The following LIN7A variants were observed in gnomAD, a reference collection of about 807,000 sequenced individuals.
LIN7A encodes the protein protein lin-7 homolog A.
A neutral mutation model predicts 29.8 loss-of-function variants in LIN7A; 25 were observed. The ratio of observed to expected loss-of-function variants is 0.84; its 90% CI spans 0.61 to 1.17. The LOEUF (loss-of-function observed/expected upper bound fraction) is 1.17, where lower values mean the gene tolerates loss of function less well. Ranked by LOEUF, LIN7A falls within the 50% of genes most tolerant of loss-of-function variation. The pLI is 0.00. For synonymous variants in LIN7A, 118 were observed against 107.5 expected (o/e 1.10, Z -0.60); for missense variants, 239 against 287.0 (o/e 0.83, Z 1.21).
chr12:80,807,063 G>GTTTTTTTTTTGTTTTTTTTTTTTTT (rs1871029199), intron 5 of LIN7A, among the ~76,000 whole-genome samples: 2 of 53,592 alleles, frequency 3.7e-5, no homozygotes, highest in Non-Finnish European at 6.9e-5. Context: ...TGAAGATGGA[G>GTTTTTTTTTTGTTTTTTTTTTTTTT]TTTTTTTTTT....
At chr12:80,857,758 GAGA>G (rs1273817444) in intron 2 of LIN7A, among the ~76,000 whole-genome samples, 4 of 152,186 alleles carry the variant, frequency 2.6e-5, no homozygotes, top group African/African-American at 9.6e-5. Context: ...AGATGAAGAT[GAGA>G]AGGATTTTGG....
chr12:80,816,656 C>T (rs1479290000), intron 4 of LIN7A, among the ~76,000 whole-genome samples: 1 of 152,136 alleles, frequency 6.6e-6, no homozygotes, highest in Admixed American at 6.6e-5. Flanking sequence ...TAACCAAAGG[C>T]ATACTTGTTT....
chr12:80,934,531 G>A (rs1412276290), intron 1 of LIN7A, among the ~76,000 whole-genome samples: 2 of 152,174 alleles, frequency 1.3e-5, no homozygotes, highest in African/African-American at 4.8e-5. Context: ...GCAGACTTCT[G>A]AGTTTCTTAC....
intron 1 of LIN7A, among the ~76,000 whole-genome samples, chr12:80,920,736 G>T (rs1877258409): frequency 6.6e-6 from 1 of 152,156 alleles, no homozygotes; most frequent in Non-Finnish European, 1.5e-5. Context: ...TTAAAGCTCT[G>T]AAAATAATGG....
chr12:80,815,208 G>A (rs374924119), intron 4 of LIN7A, among the ~76,000 whole-genome samples: 114 of 152,160 alleles, frequency 7.5e-4, no homozygotes, highest in African/African-American at 2.7e-3. Flanking sequence ...TATCTCTGGA[G>A]TGCTTTTAGT....
At chr12:80,916,777 G>A (rs543574639) in intron 1 of LIN7A, among the ~76,000 whole-genome samples, 17 of 152,016 alleles carry the variant, frequency 1.1e-4, no homozygotes, top group Non-Finnish European at 2.4e-4. Flanking sequence ...TTTAGAAACT[G>A]AGTGCCAAGA....
rs534811131 is a variant in LIN7A at position 80,812,618 on chromosome 12, C to G, written c.484-935G>C. On this transcript the variant is annotated intron_variant, in intron 4 of 5. Coordinates refer to ENST00000552864, the MANE Select transcript of LIN7A (RefSeq NM_004664.4). ...CCAGGCTGGTGTGCAGTGGCCTGAT[C>G]TGGGCTCACCACCACCTCCGCCTCC... 2.6e-5 allele frequency among the ~76,000 whole-genome samples: 4 copies of G among 152,086 alleles called. No individual in the cohort carries two copies. The East Asian group carries it at 5.8e-4, about 22-fold the overall frequency.
chr12:80,851,141 AC>A (rs1873311620), intron 2 of LIN7A, among the ~76,000 whole-genome samples: 1 of 152,164 alleles, frequency 6.6e-6, no homozygotes. Flanking sequence ...GTGAACAAAA[AC>A]TTGCAGGTGT....
intron 2 of LIN7A, among the ~76,000 whole-genome samples, chr12:80,860,196 T>C (rs1873793260): frequency 6.6e-6 from 1 of 152,216 alleles, no homozygotes; most frequent in South Asian, 2.1e-4. Flanking sequence ...TAGATATTGG[T>C]ATATTACCCC....
chr12:80,815,012 G>T (rs888258509), intron 4 of LIN7A, among the ~76,000 whole-genome samples: 2 of 152,130 alleles, frequency 1.3e-5, no homozygotes, highest in Admixed American at 1.3e-4. Context: ...ATTTTAGAAA[G>T]ATATTAAGAA....
At chr12:80,874,388 G>C (rs967977654) in intron 2 of LIN7A, among the ~76,000 whole-genome samples, 36 of 152,148 alleles carry the variant, frequency 2.4e-4, no homozygotes, top group Non-Finnish European at 5.0e-4. Context: ...AATTATTCCA[G>C]AAAGGGCTGA....
At chr12:80,833,459 A>G (rs959719421) in intron 4 of LIN7A, among the ~76,000 whole-genome samples, 1 of 152,174 alleles carries the variant, frequency 6.6e-6, no homozygotes, top group Non-Finnish European at 1.5e-5. Flanking sequence ...AACTTCTAAG[A>G]GTGTCCTGGT....
At chr12:80,848,193 ACAAT>A (rs1462581157) in intron 3 of LIN7A, 54 bp downstream of exon 3, 1 of 1,250,636 alleles carries the variant, frequency 8.0e-7, no homozygotes, top group Non-Finnish European at 1.2e-6. Context: ...ACACACGCGC[ACAAT>A]CAATTACTAG....
At chr12:80,897,420 A>G (rs1875964547) in intron 1 of LIN7A, among the ~76,000 whole-genome samples, 2 of 152,190 alleles carry the variant, frequency 1.3e-5, no homozygotes, top group African/African-American at 4.8e-5. Flanking sequence ...GAAGTTGAAC[A>G]ATCTACTGCC....
intron 1 of LIN7A, among the ~76,000 whole-genome samples, chr12:80,906,698 G>A (rs1876492818): frequency 6.6e-6 from 1 of 151,966 alleles, no homozygotes; most frequent in Admixed American, 6.6e-5. Context: ...GGTGAGGATT[G>A]AAAAACCACC....
At chr12:80,847,657 T>C (rs1172395691) in intron 3 of LIN7A, among the ~76,000 whole-genome samples, 1 of 152,194 alleles carries the variant, frequency 6.6e-6, no homozygotes. Context: ...TTCCTGATAA[T>C]TTCCTGATGT....
chr12:80,900,141 ATTTGGATCTTCTCTTT>A, intron 1 of LIN7A, among the ~76,000 whole-genome samples: 1 of 151,908 alleles, frequency 6.6e-6, no homozygotes, highest in Non-Finnish European at 1.5e-5. Flanking sequence ...AATTGTGTTT[ATTTGGATCTTCTCTTT>A]TTTTATTTAT....
intron 2 of LIN7A, among the ~76,000 whole-genome samples, chr12:80,854,126 TAAAGAA>T (rs535635491): frequency 1.0e-3 from 155 of 152,200 alleles, no homozygotes; most frequent in African/African-American, 3.5e-3. Context: ...TTATCCAAGA[TAAAGAA>T]AAAGTTATAT....
chr12:80,895,286 G>A (rs1875826809), intron 1 of LIN7A, among the ~76,000 whole-genome samples: 1 of 152,070 alleles, frequency 6.6e-6, no homozygotes, highest in South Asian at 2.1e-4. Context: ...ACAAAAACAA[G>A]AATAAAATAT....
Sources: allele counts gnomAD v4.1 joint callset (sites outside exome capture counted in the v4.1 genomes callset), GRCh38; gene constraint gnomAD v4.1.1; transcripts MANE v1.5; gene names NCBI Gene and HGNC (gene_info 2026-07-23, HGNC 2026-07-21).